The following ZFPM2 variants were observed in gnomAD, a reference collection of about 807,000 sequenced individuals.
The protein encoded by ZFPM2 is zinc finger protein, FOG family member 2.
Under a neutral mutation model 98.6 loss-of-function variants are expected in ZFPM2, and 20 were observed. The ratio of observed to expected loss-of-function variants is 0.20; its 90% CI spans 0.14 to 0.29. The LOEUF (loss-of-function observed/expected upper bound fraction) is 0.29. Among genes scored for constraint, ZFPM2 ranks in the 10% least tolerant of loss-of-function variants. ZFPM2 has a pLI of 1.00. For missense variants in ZFPM2, 1,310 were observed against 1,388.6 expected, an observed-to-expected ratio of 0.94 and a Z score of 0.90; for synonymous variants, 518 against 502.7, an observed-to-expected ratio of 1.03 and a Z score of -0.41.
chr8:105,447,608 T>A (rs1386904740), intron 3 of ZFPM2, among the ~76,000 whole-genome samples: 1 of 152,148 alleles, frequency 6.6e-6, no homozygotes, highest in Non-Finnish European at 1.5e-5. Flanking sequence ...TTTCAAGGTC[T>A]TCTAATTTTA....
chr8:105,638,122 C>G (rs1204729472), intron 5 of ZFPM2, among the ~76,000 whole-genome samples: 1 of 152,040 alleles, frequency 6.6e-6, no homozygotes, highest in Non-Finnish European at 1.5e-5. Context: ...GCATCATTCT[C>G]AGATAAGTAG....
At chr8:105,724,941 A>C (rs974081653) in intron 5 of ZFPM2, among the ~76,000 whole-genome samples, 15 of 151,902 alleles carry the variant, frequency 9.9e-5, no homozygotes, top group African/African-American at 3.4e-4. Context: ...TATTGAAAAA[A>C]ATCCACATAT....
chr8:105,542,366 T>A (rs1328006624), intron 3 of ZFPM2, among the ~76,000 whole-genome samples: 1 of 152,176 alleles, frequency 6.6e-6, no homozygotes, highest in Non-Finnish European at 1.5e-5. Context: ...TATAGCGAGA[T>A]GTGTTAAATC....
intron 2 of ZFPM2, among the ~76,000 whole-genome samples, chr8:105,437,880 T>C (rs1283029536): frequency 6.6e-6 from 1 of 151,920 alleles, no homozygotes; most frequent in Non-Finnish European, 1.5e-5. Context: ...CCGTCTCTAC[T>C]AAAAATACAA....
At chr8:105,522,027 A>T (rs941980081) in intron 3 of ZFPM2, among the ~76,000 whole-genome samples, 2 of 152,234 alleles carry the variant, frequency 1.3e-5, no homozygotes, top group African/African-American at 2.4e-5. Context: ...ATTCATCCAG[A>T]TATTGTTTCA....
At chr8:105,373,081 A>T (rs1364670845) in intron 1 of ZFPM2, among the ~76,000 whole-genome samples, 1 of 152,130 alleles carries the variant, frequency 6.6e-6, no homozygotes, top group African/African-American at 2.4e-5. Flanking sequence ...GTAAAACAAG[A>T]AGTCCATTAC....
intron 1 of ZFPM2, among the ~76,000 whole-genome samples, chr8:105,407,775 G>T (rs1476701863): frequency 6.6e-6 from 1 of 151,882 alleles, no homozygotes; most frequent in Non-Finnish European, 1.5e-5. Flanking sequence ...CCCTTCAACA[G>T]ATTTGGTAAA....
intron 5 of ZFPM2, among the ~76,000 whole-genome samples, chr8:105,764,923 T>C (rs563353585): frequency 6.6e-6 from 1 of 151,920 alleles, no homozygotes; most frequent in South Asian, 2.1e-4. Context: ...CCTCTCTTCC[T>C]TTCCTTCAGG....
chr8:105,775,552 G>A (rs1234852961), intron 5 of ZFPM2, among the ~76,000 whole-genome samples: 2 of 152,124 alleles, frequency 1.3e-5, no homozygotes, highest in African/African-American at 4.8e-5. Context: ...TCAGCTGGGA[G>A]TTACATCAGT....
intron 1 of ZFPM2, among the ~76,000 whole-genome samples, chr8:105,407,103 C>G (rs970448761): frequency 3.3e-4 from 46 of 140,344 alleles, no homozygotes; most frequent in African/African-American, 1.2e-3. Context: ...AGATTAAATG[C>G]TCTAATTTTT....
intron 1 of ZFPM2, among the ~76,000 whole-genome samples, chr8:105,351,208 G>A (rs578016746): frequency 2.0e-5 from 3 of 150,984 alleles, no homozygotes; most frequent in African/African-American, 4.9e-5. Context: ...AAATGACATA[G>A]TATTTGCATA....
At chr8:105,476,393 C>T (rs1194216688) in intron 3 of ZFPM2, among the ~76,000 whole-genome samples, 3 of 152,148 alleles carry the variant, frequency 2.0e-5, no homozygotes, top group Non-Finnish European at 2.9e-5. Context: ...CTAGGTTGCA[C>T]GCTCCTTATG....
chr8:105,562,214 G>T (rs1815153836), intron 4 of ZFPM2, among the ~76,000 whole-genome samples: 1 of 151,992 alleles, frequency 6.6e-6, no homozygotes, highest in South Asian at 2.1e-4. Context: ...GGAGGCTGAG[G>T]CAGGAGAATT....
chr8:105,744,747 G>A lies in ZFPM2; in HGVS notation c.533-43971G>A, dbSNP rs532631271. Among the ~76,000 whole-genome samples the A allele has an allele frequency of 2.6e-5, 4 of 152,128 alleles. No homozygotes were observed. The South Asian group carries it at 8.3e-4, about 31-fold the overall frequency. ...AGTTTTCTAGCCGGAAAAACAGCAT[G>A]TGCAAAAGGCCTGTGGCAAGTAGTG... On this transcript the variant is annotated intron_variant, in intron 5 of 7. Coordinates refer to ENST00000407775, the MANE Select transcript of ZFPM2 (RefSeq NM_012082.4).
intron 3 of ZFPM2, among the ~76,000 whole-genome samples, chr8:105,473,183 A>G (rs956221438): frequency 2.0e-5 from 3 of 152,082 alleles, no homozygotes; most frequent in Non-Finnish European, 4.4e-5. Flanking sequence ...TTACAGGCAT[A>G]GACTGAGATC....
chr8:105,602,795 T>TA (rs910748981), intron 4 of ZFPM2, among the ~76,000 whole-genome samples: 2 of 152,096 alleles, frequency 1.3e-5, no homozygotes, highest in African/African-American at 4.8e-5. Flanking sequence ...TAAATTATCA[T>TA]AAAAAATTAT....
At chr8:105,406,088 G>C (rs1811451885) in intron 1 of ZFPM2, among the ~76,000 whole-genome samples, 1 of 152,140 alleles carries the variant, frequency 6.6e-6, no homozygotes, top group African/African-American at 2.4e-5. Context: ...CTTTTGAGAA[G>C]TGTCTGTTCA....
intron 3 of ZFPM2, among the ~76,000 whole-genome samples, chr8:105,471,190 G>A (rs1812897085): frequency 6.6e-6 from 1 of 152,110 alleles, no homozygotes; most frequent in Admixed American, 6.5e-5. Flanking sequence ...GGCAAACTAT[G>A]TATACGTTCA....
Position 105,419,384 on chromosome 8 carries a change from AGAGTGCT to A in ZFPM2, c.199+85_199+91del, listed in dbSNP as rs1811749167. The A allele has an allele frequency of 5.3e-6, 8 of 1,506,844 alleles. No homozygotes were observed. In the South Asian group the frequency reaches 1.0e-4, roughly 19 times the overall value. 93.3% of individuals were successfully genotyped at this position (1,506,844 alleles called of 1,614,324 possible). ...TTTAAAAAAATGCATAATAGTCCTC[AGAGTGCT>A]GACACATAATTCAGCCGTCTGAAAA... is the stretch of plus-strand genomic sequence containing the variant. On this transcript the variant is annotated intron_variant, in intron 2 of 7. Transcript: ENST00000407775.
Sources: allele counts gnomAD v4.1 joint callset (sites outside exome capture counted in the v4.1 genomes callset), GRCh38; gene constraint gnomAD v4.1.1; transcripts MANE v1.5; gene names NCBI Gene and HGNC (gene_info 2026-07-23, HGNC 2026-07-21).